The following SLC30A8 variants were observed in gnomAD, a reference collection of about 807,000 sequenced individuals.
SLC30A8 encodes proton-coupled zinc antiporter SLC30A8.
Under a neutral mutation model 36.9 loss-of-function variants are expected in SLC30A8, and 27 were observed. The observed-to-expected ratio is 0.73, with a 90% CI of 0.54 to 1.01. The LOEUF is 1.01. SLC30A8 is among the 50% of genes least tolerant of loss of function. The probability of loss-of-function intolerance (pLI) is 0.00; values close to 1 mark genes in which losing one functional copy is unlikely to be tolerated. For synonymous variants in SLC30A8, 164 were observed against 172.4 expected, an observed-to-expected ratio of 0.95 and a Z score of 0.38; for missense variants, 439 against 452.0, an observed-to-expected ratio of 0.97 and a Z score of 0.26.
chr8:117,100,081 C>T (rs775727354), intron 2 of SLC30A8, among the ~76,000 whole-genome samples: 50 of 152,196 alleles, frequency 3.3e-4, no homozygotes, highest in South Asian at 6.2e-4. Flanking sequence ...ACCCTCAAAC[C>T]CATATTGACA....
intron 1 of SLC30A8, among the ~76,000 whole-genome samples, chr8:116,971,115 A>G (rs140173087): frequency 6.6e-6 from 1 of 152,070 alleles, no homozygotes; most frequent in East Asian, 1.9e-4. Flanking sequence ...AACAACAACA[A>G]CACACACACA....
chr8:117,160,888 A>G (rs1054633156), intron 4 of SLC30A8, among the ~76,000 whole-genome samples: 3 of 152,248 alleles, frequency 2.0e-5, no homozygotes, highest in South Asian at 4.1e-4. Flanking sequence ...GTGTTGAACA[A>G]TATGTTGCTG....
chr8:117,132,332 T>A (rs1821169112), upstream of SLC30A8, among the ~76,000 whole-genome samples: 1 of 152,034 alleles, frequency 6.6e-6, no homozygotes, highest in East Asian at 1.9e-4. Context: ...TAAGAAATTG[T>A]TGCTGACAAC....
chr8:117,148,967 G>T (rs11776904), intron 2 of SLC30A8, among the ~76,000 whole-genome samples: 1 of 151,824 alleles, frequency 6.6e-6, no homozygotes, highest in Non-Finnish European at 1.5e-5. Flanking sequence ...CTGTCTCATG[G>T]ATCTTCCTCA....
intron 1 of SLC30A8, among the ~76,000 whole-genome samples, chr8:117,011,027 C>T (rs531714673): frequency 3.9e-5 from 6 of 152,290 alleles, no homozygotes; most frequent in East Asian, 3.9e-4. Flanking sequence ...CCTTATCAGT[C>T]GTATATCTGG....
chr8:117,006,599 T>C (rs185812454), intron 1 of SLC30A8, among the ~76,000 whole-genome samples: 1 of 152,076 alleles, frequency 6.6e-6, no homozygotes, highest in East Asian at 1.9e-4. Context: ...CTATTGTATG[T>C]AGGGATCTGT....
intron 1 of SLC30A8, among the ~76,000 whole-genome samples, chr8:116,974,531 G>A (rs976742125): frequency 2.6e-5 from 4 of 152,154 alleles, no homozygotes; most frequent in African/African-American, 7.2e-5. Flanking sequence ...AAAAAGTCAG[G>A]AAACAACAGA....
At chr8:117,104,908 C>T (rs1433368016) in intron 2 of SLC30A8, among the ~76,000 whole-genome samples, 1 of 152,146 alleles carries the variant, frequency 6.6e-6, no homozygotes, top group African/African-American at 2.4e-5. Flanking sequence ...TATAGGGTAA[C>T]TTCCTGATGT....
chr8:117,055,117 A>T (rs1817830690), intron 2 of SLC30A8, among the ~76,000 whole-genome samples: 1 of 152,214 alleles, frequency 6.6e-6, no homozygotes, highest in African/African-American at 2.4e-5. Flanking sequence ...AGCTTCAATC[A>T]GAGCTTGAAA....
At chr8:117,116,721 C>A (rs1820460974) in intron 2 of SLC30A8, among the ~76,000 whole-genome samples, 2 of 152,004 alleles carry the variant, frequency 1.3e-5, no homozygotes, top group South Asian at 2.1e-4. Context: ...CCATCAAAGT[C>A]TTTTCTCAGG....
intron 4 of SLC30A8, among the ~76,000 whole-genome samples, chr8:117,158,131 A>G (rs899905088): frequency 6.6e-6 from 1 of 152,238 alleles, no homozygotes; most frequent in Admixed American, 6.5e-5. Flanking sequence ...CAACACCCCT[A>G]TGTTATAGAT....
At chr8:117,102,703 C>G (rs1327859179) in intron 2 of SLC30A8, among the ~76,000 whole-genome samples, 1 of 152,176 alleles carries the variant, frequency 6.6e-6, no homozygotes, top group African/African-American at 2.4e-5. Context: ...CCAATTTCTT[C>G]TTCATCTTTG....
At chr8:117,106,380 A>G (rs948573593) in intron 2 of SLC30A8, among the ~76,000 whole-genome samples, 3 of 152,218 alleles carry the variant, frequency 2.0e-5, no homozygotes, top group Non-Finnish European at 2.9e-5. Flanking sequence ...GGTTTTTATC[A>G]TTAAAAGTAA....
intron 1 of SLC30A8, among the ~76,000 whole-genome samples, chr8:116,972,926 G>A (rs1364154924): frequency 6.6e-6 from 1 of 152,172 alleles, no homozygotes; most frequent in African/African-American, 2.4e-5. Flanking sequence ...GCTACTGTCT[G>A]AATGTTTTAG....
chr8:117,012,724 T>TACACACACAC (rs376889831), intron 1 of SLC30A8, among the ~76,000 whole-genome samples: 27,201 of 126,052 alleles, frequency 0.22, 3,127 homozygotes, highest in East Asian at 0.28. Context: ...GACATATGTA[T>TACACACACAC]ACACACACAC....
chr8:117,065,039 C>T (rs1446594490), intron 2 of SLC30A8, among the ~76,000 whole-genome samples: 4 of 152,208 alleles, frequency 2.6e-5, no homozygotes, highest in Non-Finnish European at 5.9e-5. Flanking sequence ...ACTTTGACCT[C>T]ACTGTGTTAA....
chr8:117,029,305 A>C (rs891860787), intron 1 of SLC30A8, among the ~76,000 whole-genome samples: 2 of 152,180 alleles, frequency 1.3e-5, no homozygotes, highest in Non-Finnish European at 2.9e-5. Flanking sequence ...CAATTGTCAT[A>C]AGAAATTCAG....
chr8:117,073,824 T>A (rs923011482), intron 2 of SLC30A8, among the ~76,000 whole-genome samples: 8 of 152,122 alleles, frequency 5.3e-5, no homozygotes, highest in Admixed American at 1.3e-4. Context: ...GTGGATGACA[T>A]GGCTCTTCTG....
intron 1 of SLC30A8, among the ~76,000 whole-genome samples, chr8:117,004,062 A>G (rs952258735): frequency 1.3e-5 from 2 of 152,144 alleles, no homozygotes; most frequent in African/African-American, 4.8e-5. Context: ...ATTAAAACCA[A>G]CTTTCAGAAT....
Sources: gnomAD v4.1 joint callset for allele counts (sites outside exome capture counted in the v4.1 genomes callset) on GRCh38, gnomAD v4.1.1 for gene constraint, MANE v1.5 for transcripts, NCBI Gene and HGNC (gene_info 2026-07-23, HGNC 2026-07-21) for gene names.